The following CMSS1 variants were observed in gnomAD, a reference collection of about 807,000 sequenced individuals.
CMSS1 encodes cms1 ribosomal small subunit homolog.
CMSS1 carries 33 observed loss-of-function variants against 43.5 expected under a neutral mutation model. The ratio of observed to expected loss-of-function variants is 0.76; its 90% CI spans 0.57 to 1.01. CMSS1 has a LOEUF of 1.01. Among genes scored for constraint, CMSS1 ranks in the 50% least tolerant of loss-of-function variants. CMSS1 has a pLI of 0.00. For synonymous variants in CMSS1, 115 were observed against 117.2 expected, an observed-to-expected ratio of 0.98 and a Z score of 0.12; for missense variants, 313 against 326.4, an observed-to-expected ratio of 0.96 and a Z score of 0.32.
chr3:100,176,446 AT>A, intron 9 of CMSS1, 31 bp downstream of exon 9: 6 of 1,434,226 alleles, frequency 4.2e-6, no homozygotes, highest in Admixed American at 1.7e-5. Flanking sequence ...GCCTTTAATC[AT>A]TTTTTCTCTA....
At chr3:99,897,000 T>G (rs931934893) in intron 1 of CMSS1, among the ~76,000 whole-genome samples, 6 of 152,214 alleles carry the variant, frequency 3.9e-5, no homozygotes, top group African/African-American at 1.4e-4. Flanking sequence ...CTAGAGAGAA[T>G]GATTTGTTTC....
intron 1 of CMSS1, among the ~76,000 whole-genome samples, chr3:100,075,393 G>A (rs990576689): frequency 2.0e-5 from 3 of 152,150 alleles, no homozygotes; most frequent in African/African-American, 7.2e-5. Flanking sequence ...TTATGATAAC[G>A]AGCAGAGATT....
chr3:99,968,132 G>A (rs578205558), intron 1 of CMSS1, among the ~76,000 whole-genome samples: 12 of 152,196 alleles, frequency 7.9e-5, no homozygotes, highest in Non-Finnish European at 1.6e-4. Flanking sequence ...CTAGCCTTAC[G>A]TGGCAATTTA....
At chr3:100,068,538 C>T (rs1026773825) in intron 1 of CMSS1, among the ~76,000 whole-genome samples, 3 of 152,146 alleles carry the variant, frequency 2.0e-5, no homozygotes, top group South Asian at 2.1e-4. Flanking sequence ...GTGGGTGCTG[C>T]CAAAGAACCC....
chr3:99,891,037 A>T (rs530334331), intron 1 of CMSS1, among the ~76,000 whole-genome samples: 34 of 150,186 alleles, frequency 2.3e-4, no homozygotes, highest in Middle Eastern at 3.4e-3. Flanking sequence ...GATCTTTGGG[A>T]TTTTTTTCTT....
chr3:100,144,841 TA>T (rs1263359958), intron 1 of CMSS1, among the ~76,000 whole-genome samples: 1 of 152,238 alleles, frequency 6.6e-6, no homozygotes, highest in African/African-American at 2.4e-5. Flanking sequence ...GGCAAAAAGA[TA>T]ACCCAGGGAG....
chr3:100,071,115 T>C (rs1000918287), intron 1 of CMSS1, among the ~76,000 whole-genome samples: 1 of 86,314 alleles, frequency 1.2e-5, no homozygotes, highest in Non-Finnish European at 2.3e-5. Flanking sequence ...TTTTTTTGGA[T>C]GGATTAGCAT....
chr3:99,848,130 A>G (rs147230038), intron 1 of CMSS1: 356 of 1,481,010 alleles, frequency 2.4e-4, no homozygotes, highest in Non-Finnish European at 2.9e-4. Flanking sequence ...GGCAACAGTT[A>G]GTTTCAGATA....
At chr3:100,177,042 A>G (rs1026369830) in intron 9 of CMSS1, among the ~76,000 whole-genome samples, 9 of 152,222 alleles carry the variant, frequency 5.9e-5, no homozygotes, top group Non-Finnish European at 2.9e-5. Context: ...TAATTTTTCA[A>G]TCTAGCCTGA....
intron 1 of CMSS1, among the ~76,000 whole-genome samples, chr3:100,043,360 A>G (rs909175483): frequency 5.9e-5 from 9 of 152,132 alleles, no homozygotes; most frequent in Non-Finnish European, 1.0e-4. Flanking sequence ...TTTCAGCTAT[A>G]TTAAATATTT....
intron 1 of CMSS1, among the ~76,000 whole-genome samples, chr3:99,973,863 G>T (rs1708893676): frequency 1.3e-5 from 2 of 152,126 alleles, no homozygotes; most frequent in Admixed American, 6.5e-5. Flanking sequence ...AGGGATGGTT[G>T]CTCTAAGTTT....
chr3:100,141,408 G>A (rs776964862), intron 1 of CMSS1: 63 of 324,060 alleles, frequency 1.9e-4, no homozygotes, highest in Non-Finnish European at 2.1e-4. Context: ...TGGGAGATAC[G>A]TGGCAGGAGA....
At chr3:100,066,774 GCCCGCC>G (rs2065672616) in intron 1 of CMSS1, among the ~76,000 whole-genome samples, 1 of 150,444 alleles carries the variant, frequency 6.6e-6, no homozygotes, top group Non-Finnish European at 1.5e-5. Context: ...CTCGTGATCC[GCCCGCC>G]TCGGCCTCCC....
At chr3:99,980,134 G>A (rs1709079135) in intron 1 of CMSS1, among the ~76,000 whole-genome samples, 1 of 152,158 alleles carries the variant, frequency 6.6e-6, no homozygotes, top group Admixed American at 6.5e-5. Flanking sequence ...ACTATATAGT[G>A]AGACATGCAG....
chr3:99,972,165 G>A (rs1317036193), intron 1 of CMSS1, among the ~76,000 whole-genome samples: 3 of 152,182 alleles, frequency 2.0e-5, no homozygotes, highest in South Asian at 2.1e-4. Context: ...TGTGGGGAAA[G>A]ATGTCATTCA....
intron 1 of CMSS1, among the ~76,000 whole-genome samples, chr3:99,836,672 A>G (rs1942911621): frequency 6.6e-6 from 1 of 152,156 alleles, no homozygotes; most frequent in African/African-American, 2.4e-5. Context: ...CTCTATCTTA[A>G]TGATAAGAAT....
At chr3:100,163,094 CA>C (rs990946981) in intron 4 of CMSS1, among the ~76,000 whole-genome samples, 1 of 152,122 alleles carries the variant, frequency 6.6e-6, no homozygotes, top group African/African-American at 2.4e-5. Context: ...CAGTATTTGT[CA>C]AATCTAATAT....
intron 1 of CMSS1, among the ~76,000 whole-genome samples, chr3:99,919,919 A>G (rs1422081896): frequency 6.6e-6 from 1 of 152,218 alleles, no homozygotes; most frequent in Non-Finnish European, 1.5e-5. Context: ...CCTCTGCACC[A>G]CTGTTCTATC....
At chr3:99,828,385 A>G (rs942512770) in intron 1 of CMSS1, among the ~76,000 whole-genome samples, 8 of 148,950 alleles carry the variant, frequency 5.4e-5, no homozygotes, top group African/African-American at 1.7e-4. Flanking sequence ...GTGAGGCACA[A>G]TACTAAGCAC....
Sources: allele counts gnomAD v4.1 joint callset (sites outside exome capture counted in the v4.1 genomes callset), GRCh38; gene constraint gnomAD v4.1.1; transcripts MANE v1.5; gene names NCBI Gene and HGNC (gene_info 2026-07-23, HGNC 2026-07-21).